Variants in MSI2 observed in about 807,000 individuals in gnomAD.
The protein encoded by MSI2 is RNA-binding protein Musashi homolog 2.
Under a neutral mutation model 45.6 loss-of-function variants are expected in MSI2, and 17 were observed. That is an observed-to-expected ratio of 0.37 (90% CI 0.26 to 0.56). MSI2 has a LOEUF of 0.56. Among genes scored for constraint, MSI2 ranks in the 20% least tolerant of loss-of-function variants. The probability of loss-of-function intolerance (pLI) is 0.77; values close to 1 mark genes in which losing one functional copy is unlikely to be tolerated. For missense variants in MSI2, 293 were observed against 444.2 expected (o/e 0.66, Z 3.06); for synonymous variants, 156 against 158.2 (o/e 0.99, Z 0.11).
intron 7 of MSI2, among the ~76,000 whole-genome samples, chr17:57,588,191 T>C (rs1487476847): frequency 1.3e-5 from 2 of 152,118 alleles, no homozygotes; most frequent in Non-Finnish European, 2.9e-5. Flanking sequence ...ATCGCGGGCT[T>C]GTTTACTGGC....
intron 7 of MSI2, among the ~76,000 whole-genome samples, chr17:57,573,619 A>G (rs2087936478): frequency 1.3e-5 from 2 of 152,164 alleles, no homozygotes; most frequent in Non-Finnish European, 2.9e-5. Context: ...GGGCCACCAC[A>G]TTTATCAGCA....
At chr17:57,393,564 G>T (rs553505289) in intron 5 of MSI2, among the ~76,000 whole-genome samples, 3 of 152,296 alleles carry the variant, frequency 2.0e-5, no homozygotes, top group Admixed American at 2.0e-4. Flanking sequence ...TTTGGCTGTT[G>T]CTGCCATGAA....
At chr17:57,666,541 G>A (rs1370460358) in intron 11 of MSI2, among the ~76,000 whole-genome samples, 2 of 152,220 alleles carry the variant, frequency 1.3e-5, no homozygotes, top group East Asian at 3.8e-4. Context: ...GCCTAACAGG[G>A]GCAGAGTGAT....
rs1907650439 is a variant in MSI2, at chr17:57,616,013, C to G, written c.581C>G (p.Pro194Arg). 1.9e-6 allele frequency: 3 copies of G among 1,614,178 alleles called. No individual in the cohort carries two copies. Among genetic ancestry groups the G allele is most frequent in the South Asian group, 1.1e-5 (1 of 91,080 alleles). ...CAGCCGAAAGAAGTCATGTTCCCAC[C>G]TGGGACAAGAGGCCGGGCCCGGGGA... Reference protein sequence around the residue: ...KAQPKEVMFPPGTRGRARGLP... With the variant: ...KAQPKEVMFPRGTRGRARGLP... The change falls in exon 9 of 14, where the codon CCT (proline) becomes CGT (arginine). Residue 194 changes from proline (P) to arginine (R), a missense_variant. Pro to Arg is a moderately radical substitution (Grantham distance 103). Coordinates refer to ENST00000284073, the MANE Select transcript of MSI2 (RefSeq NM_138962.4).
chr17:57,415,498 A>C (rs556485938), intron 6 of MSI2, among the ~76,000 whole-genome samples: 1 of 152,072 alleles, frequency 6.6e-6, no homozygotes, highest in Non-Finnish European at 1.5e-5. Context: ...TATTGATTCA[A>C]CTGTCTCCTG....
chr17:57,424,448 G>C (rs746696430), intron 6 of MSI2, among the ~76,000 whole-genome samples: 1 of 152,256 alleles, frequency 6.6e-6, no homozygotes, highest in Non-Finnish European at 1.5e-5. Flanking sequence ...GTCTGGCTCA[G>C]AGTGGGAATT....
At chr17:57,416,626 C>T (rs945060610) in intron 6 of MSI2, among the ~76,000 whole-genome samples, 7 of 152,190 alleles carry the variant, frequency 4.6e-5, no homozygotes, top group Non-Finnish European at 1.0e-4. Flanking sequence ...CCTCAAAGAG[C>T]GTCTCAGTTT....
At chr17:57,446,109 A>T (rs1443831293) in intron 6 of MSI2, among the ~76,000 whole-genome samples, 1 of 152,106 alleles carries the variant, frequency 6.6e-6, no homozygotes, top group Non-Finnish European at 1.5e-5. Context: ...GGTGCAGAGG[A>T]AATGGAAGAA....
intron 5 of MSI2, chr17:57,285,895 T>A: frequency 6.5e-7 from 1 of 1,531,390 alleles, no homozygotes; most frequent in South Asian, 1.2e-5. Context: ...TGATGAGGGG[T>A]TATATTAAGA....
At chr17:57,595,090 CCA>C (rs1487622737) in intron 7 of MSI2, among the ~76,000 whole-genome samples, 3 of 152,124 alleles carry the variant, frequency 2.0e-5, no homozygotes, top group Non-Finnish European at 4.4e-5. Context: ...TAAAGGAGCT[CCA>C]CATATCAGCT....
chr17:57,395,159 T>A (rs567643451), intron 5 of MSI2, among the ~76,000 whole-genome samples: 2 of 152,324 alleles, frequency 1.3e-5, no homozygotes, highest in African/African-American at 4.8e-5. Flanking sequence ...CTGTGTCTGT[T>A]TGTCCTCTTC....
chr17:57,397,682 G>C (rs575358944), intron 5 of MSI2, among the ~76,000 whole-genome samples: 7 of 152,296 alleles, frequency 4.6e-5, no homozygotes, highest in Non-Finnish European at 1.0e-4. Context: ...CAGTCATGCT[G>C]GCAGCATTCT....
intron 10 of MSI2, among the ~76,000 whole-genome samples, chr17:57,644,308 T>G (rs1477170072): frequency 6.7e-6 from 1 of 149,982 alleles, no homozygotes; most frequent in Non-Finnish European, 1.5e-5. Flanking sequence ...TGGTTATCAA[T>G]TGTTCCTCCT....
At chr17:57,654,596 C>T (rs1911448571) in intron 11 of MSI2, among the ~76,000 whole-genome samples, 1 of 152,138 alleles carries the variant, frequency 6.6e-6, no homozygotes, top group South Asian at 2.1e-4. Context: ...GTGTTGATGG[C>T]CTAGTTTCAC....
chr17:57,652,674 G>A lies in MSI2; in HGVS notation c.790+513G>A, dbSNP rs1011756420. Among the ~76,000 whole-genome samples the A allele has an allele frequency of 6.6e-6, 1 of 152,198 alleles. No homozygotes were observed. The highest frequency in any genetic ancestry group is 2.4e-5 in the African/African-American group (1 of 41,458). ...GCCCTGGGCCTCAGTGAATGAAGCTGCTGTTTCTGGAGCCGCTGTGCCTCC... is the reference window on the plus strand; with the variant it reads ...GCCCTGGGCCTCAGTGAATGAAGCTACTGTTTCTGGAGCCGCTGTGCCTCC... On this transcript the variant is annotated intron_variant, in intron 11 of 13. Transcript: ENST00000284073. The surrounding 1 kb of genome is among the most constrained non-coding windows in gnomAD (Gnocchi z 4.1).
intron 5 of MSI2, among the ~76,000 whole-genome samples, chr17:57,317,506 CTTTTTTT>C (rs921448429): frequency 9.5e-5 from 9 of 94,542 alleles, no homozygotes; most frequent in Middle Eastern, 8.9e-3. Context: ...TATAGTTTTG[CTTTTTTT>C]TTTTTTTTTT....
chr17:57,376,122 A>G (rs1234546385), intron 5 of MSI2, among the ~76,000 whole-genome samples: 2 of 152,174 alleles, frequency 1.3e-5, no homozygotes, highest in African/African-American at 4.8e-5. Flanking sequence ...TGTCTGAGAT[A>G]GGAAAATCAC....
intron 7 of MSI2, chr17:57,531,671 G>A (rs969402188): frequency 6.6e-6 from 1 of 152,212 alleles, no homozygotes; most frequent in African/African-American, 2.4e-5. Flanking sequence ...TTGAAAATCA[G>A]TGAAAGTATT....
chr17:57,372,987 G>A (rs917499942), intron 5 of MSI2, among the ~76,000 whole-genome samples: 2 of 152,248 alleles, frequency 1.3e-5, no homozygotes, highest in Non-Finnish European at 1.5e-5. Flanking sequence ...AGGGGCTCAC[G>A]ACTGTAATCC....
Sources: allele counts gnomAD v4.1 joint callset (sites outside exome capture counted in the v4.1 genomes callset), GRCh38; gene constraint gnomAD v4.1.1; non-coding constraint Gnocchi (gnomAD v3.1); transcripts MANE v1.5; gene names NCBI Gene and HGNC (gene_info 2026-07-23, HGNC 2026-07-21).